RHOJ: variants seen among roughly 807,000 people sequenced by gnomAD.
RHOJ encodes the protein ras homolog family member J, also known as rho-related GTP-binding protein RhoJ.
A neutral mutation model predicts 23.4 loss-of-function variants in RHOJ; 11 were observed. The observed-to-expected ratio is 0.47, with a 90% CI of 0.30 to 0.78. The LOEUF (loss-of-function observed/expected upper bound fraction) is 0.78, where lower values mean the gene tolerates loss of function less well. RHOJ is among the 30% of genes least tolerant of loss of function. The pLI is 0.08. For missense variants in RHOJ, 254 were observed against 273.4 expected, an observed-to-expected ratio of 0.93 and a Z score of 0.50; for synonymous variants, 102 against 102.7, an observed-to-expected ratio of 0.99 and a Z score of 0.04.
At chr14:63,256,242 T>G (rs1895162468) in intron 1 of RHOJ, among the ~76,000 whole-genome samples, 1 of 152,128 alleles carries the variant, frequency 6.6e-6, no homozygotes, top group Non-Finnish European at 1.5e-5. Context: ...CATCCCTGTG[T>G]CACTTACTCC....
chr14:63,245,003 T>C (rs1894951077), intron 1 of RHOJ, among the ~76,000 whole-genome samples: 1 of 152,230 alleles, frequency 6.6e-6, no homozygotes, highest in Admixed American at 6.5e-5. Context: ...CAAACATGAA[T>C]TTACACACAG....
At chr14:63,243,600 G>A (rs1166922008) in intron 1 of RHOJ, among the ~76,000 whole-genome samples, 5 of 152,160 alleles carry the variant, frequency 3.3e-5, no homozygotes, top group East Asian at 3.9e-4. Context: ...TTGGCTTCCC[G>A]AAGTGCCAGG....
chr14:63,207,792 A>T (rs1304764900), intron 1 of RHOJ, among the ~76,000 whole-genome samples: 1 of 152,230 alleles, frequency 6.6e-6, no homozygotes, highest in African/African-American at 2.4e-5. Flanking sequence ...GTTATCACAA[A>T]TGAGAAGCAG....
chr14:63,209,806 G>A (rs1048329984), intron 1 of RHOJ, among the ~76,000 whole-genome samples: 1 of 151,902 alleles, frequency 6.6e-6, no homozygotes, highest in Non-Finnish European at 1.5e-5. Flanking sequence ...TGAACAAATT[G>A]CTTGTCCAAT....
intron 1 of RHOJ, among the ~76,000 whole-genome samples, chr14:63,211,433 C>T (rs1235540473): frequency 2.0e-5 from 3 of 152,070 alleles, no homozygotes; most frequent in East Asian, 3.9e-4. Flanking sequence ...CGACTGCACT[C>T]CAACCTGGGC....
In RHOJ at chr14:63,204,917, C is replaced by G; in HGVS notation, c.48C>G (p.Asn16Lys). Residue 16 changes from asparagine to lysine, a missense_variant, in exon 1 of 5, where the codon AAC (asparagine) becomes AAG (lysine). Asn to Lys is a moderately conservative substitution (Grantham distance 94). Coordinates refer to ENST00000316754, the MANE Select transcript of RHOJ (RefSeq NM_020663.5). Reference sequence around the variant, plus strand: ...ACAGCAGCTGCGGCTGCAGGGGCAACGACGAGAAGAAGATGTTGAAGTGTG... The same window carrying G: ...ACAGCAGCTGCGGCTGCAGGGGCAAGGACGAGAAGAAGATGTTGAAGTGTG... ...GTDSSCGCRG[N>K]DEKKMLKCVV... 2.5e-6 allele frequency: 4 copies of G among 1,614,062 alleles called. No homozygotes were observed. Among genetic ancestry groups the G allele is most frequent in the South Asian group, 1.1e-5 (1 of 91,054 alleles).
intron 1 of RHOJ, among the ~76,000 whole-genome samples, chr14:63,220,708 C>T (rs1001906935): frequency 1.3e-5 from 2 of 152,032 alleles, no homozygotes; most frequent in Admixed American, 6.6e-5. Flanking sequence ...TTTTTATATG[C>T]GGTTCCTCAA....
At chr14:63,242,111 A>G (rs1399046087) in intron 1 of RHOJ, among the ~76,000 whole-genome samples, 1 of 152,208 alleles carries the variant, frequency 6.6e-6, no homozygotes, top group African/African-American at 2.4e-5. Context: ...TAAAGTGAAA[A>G]TGAAGCGTAT....
intron 2 of RHOJ, among the ~76,000 whole-genome samples, chr14:63,277,825 A>G (rs1352315469): frequency 1.3e-5 from 2 of 152,168 alleles, no homozygotes. Context: ...CTGCTCTTTA[A>G]GGGAACACTC....
intron 2 of RHOJ, among the ~76,000 whole-genome samples, chr14:63,269,775 G>A (rs760774744): frequency 2.2e-4 from 33 of 152,190 alleles, no homozygotes; most frequent in Admixed American, 1.0e-3. Context: ...TCTTCAAGTT[G>A]GAGAAACTGG....
In RHOJ at chr14:63,269,129, C is replaced by A; in HGVS notation, c.198C>A (p.Gly66=). Residue 66 remains glycine, a synonymous_variant, in exon 2 of 5, where the codon GGC becomes GGA. Transcript: ENST00000316754. ...DHYAVTVTVG[G]KQHLLGLYDT... The stretch of plus-strand genomic sequence containing the variant: ...CCCTAGTTACTGTGACTGTGGGAGG[C>A]AAGCAACACTTGCTCGGACTGTATG... 1 of 1,613,158 alleles carries A rather than the reference C, an allele frequency of 6.2e-7. No homozygotes were observed. The highest frequency in any genetic ancestry group is 8.5e-7 in the Non-Finnish European group (1 of 1,179,244).
chr14:63,276,589 A>G (rs1881725543), intron 2 of RHOJ, among the ~76,000 whole-genome samples: 2 of 152,336 alleles, frequency 1.3e-5, no homozygotes, highest in South Asian at 4.1e-4. Context: ...ATGGAATGAT[A>G]CAGCAGGACT....
intron 2 of RHOJ, among the ~76,000 whole-genome samples, chr14:63,272,448 A>G: frequency 6.6e-6 from 1 of 152,246 alleles, no homozygotes; most frequent in East Asian, 1.9e-4. Context: ...GAATCCAGCT[A>G]TAGAGTCCAT....
intron 1 of RHOJ, among the ~76,000 whole-genome samples, chr14:63,259,007 T>C (rs1220083725): frequency 6.6e-6 from 1 of 152,184 alleles, no homozygotes; most frequent in Non-Finnish European, 1.5e-5. Context: ...TGGCATGATC[T>C]TGGCTCGCAG....
At chr14:63,236,502 T>C (rs1894791831) in intron 1 of RHOJ, among the ~76,000 whole-genome samples, 1 of 151,596 alleles carries the variant, frequency 6.6e-6, no homozygotes, top group Non-Finnish European at 1.5e-5. Context: ...CAGGGAAAAG[T>C]CCCCTTTTTA....
intron 1 of RHOJ, among the ~76,000 whole-genome samples, chr14:63,206,746 A>C (rs1047666200): frequency 6.6e-6 from 1 of 152,210 alleles, no homozygotes; most frequent in African/African-American, 2.4e-5. Flanking sequence ...AGGCTCCAAT[A>C]ATTTTATGTT....
intron 1 of RHOJ, among the ~76,000 whole-genome samples, chr14:63,215,654 A>C (rs1400077468): frequency 6.6e-6 from 1 of 152,196 alleles, no homozygotes. Flanking sequence ...CTCAGCAAAG[A>C]AATGGCAGAA....
chr14:63,217,689 T>C (rs1211639947), intron 1 of RHOJ, among the ~76,000 whole-genome samples: 1 of 152,064 alleles, frequency 6.6e-6, no homozygotes, highest in East Asian at 1.9e-4. Context: ...AATTGACAAA[T>C]GGGATCTAAT....
At chr14:63,243,136 A>G (rs953159216) in intron 1 of RHOJ, among the ~76,000 whole-genome samples, 1 of 152,220 alleles carries the variant, frequency 6.6e-6, no homozygotes, top group Non-Finnish European at 1.5e-5. Flanking sequence ...GTGATAAAAT[A>G]TACCTTCAGG....
Sources: gnomAD v4.1 joint callset for allele counts (sites outside exome capture counted in the v4.1 genomes callset) on GRCh38, gnomAD v4.1.1 for gene constraint, MANE v1.5 for transcripts, NCBI Gene and HGNC (gene_info 2026-07-23, HGNC 2026-07-21) for gene names.